TMEM91: variants seen among roughly 807,000 people sequenced by gnomAD.
TMEM91 encodes dispanin subfamily C member 3.
TMEM91 carries 6 observed loss-of-function variants against 13.3 expected under a neutral mutation model. The ratio of observed to expected loss-of-function variants is 0.45; its 90% CI spans 0.25 to 0.89. TMEM91 has a LOEUF of 0.89. TMEM91 is among the 40% of genes least tolerant of loss of function. TMEM91 has a pLI of 0.19. For synonymous variants in TMEM91, 87 were observed against 101.7 expected (o/e 0.86, Z 0.87); for missense variants, 193 against 228.7 (o/e 0.84, Z 1.01).
intron 1 of TMEM91, among the ~76,000 whole-genome samples, chr19:41,369,399 T>C (rs888520743): frequency 1.3e-5 from 2 of 151,516 alleles, no homozygotes; most frequent in Admixed American, 6.6e-5. Flanking sequence ...CCCGGCTACT[T>C]TGGAGGCTGA....
intron 3 of TMEM91, chr19:41,383,211 G>C (rs1361673169): frequency 6.8e-6 from 3 of 441,684 alleles, no homozygotes; most frequent in African/African-American, 4.0e-5. Context: ...GCGCTACCAT[G>C]CCTGGCTAAT....
upstream of TMEM91, among the ~76,000 whole-genome samples, chr19:41,375,273 C>CTTTTTTTTTTT (rs906641411): frequency 1.0e-4 from 6 of 58,656 alleles, 1 homozygote; most frequent in African/African-American, 2.8e-4. Flanking sequence ...ATTTTCTTTT[C>CTTTTTTTTTTT]TTTTTTTTTT....
At chr19:41,374,604 G>A (rs1173206526), upstream of TMEM91, among the ~76,000 whole-genome samples, 3 of 152,108 alleles carry the variant, frequency 2.0e-5, no homozygotes, top group Non-Finnish European at 4.4e-5. Context: ...GAGGCAAGGA[G>A]CATTATCCCC....
rs751689994 is a variant in TMEM91 at position 41,378,290 on chromosome 19, C to T, written c.-20C>T. On this transcript the variant is annotated 5_prime_UTR_variant, in exon 2 of 4. Transcript: ENST00000392002. ...TTCCCCCTACCCCTAGGAAACCCCT[C>T]CTGGAGTTTCCCCAAAGCCATGGAC... 1.9e-6 allele frequency: 3 copies of T among 1,606,996 alleles called. No individual in the cohort carries two copies. Among genetic ancestry groups the T allele is most frequent in the African/African-American group, 2.7e-5 (2 of 74,828 alleles).
rs1318607495 is a variant in TMEM91, at chr19:41,378,403, G to T, written c.94G>T (p.Gly32Trp). 6.2e-7 allele frequency: 1 copy of T among 1,614,094 alleles called. No individual in the cohort carries two copies. Among genetic ancestry groups the T allele is most frequent in the Non-Finnish European group, 8.5e-7 (1 of 1,180,046 alleles). ...CCAGAAGCCTGGCAGGCATGAGCTG[G>T]GGTCCCCCTTAAGAGAGATAGCCTT... ...PAQKPGRHEL[G>W]SPLREIAFAE... is the part of the protein sequence containing the mutation. The change falls in exon 2 of 4, where the codon GGG becomes TGG. Residue 32 changes from glycine to tryptophan, a missense_variant. Gly to Trp is a radical substitution (Grantham distance 184, BLOSUM62 -2). Transcript: ENST00000392002.
intron 1 of TMEM91, among the ~76,000 whole-genome samples, chr19:41,371,384 T>G (rs1238276019): frequency 6.7e-6 from 1 of 148,286 alleles, no homozygotes; most frequent in Non-Finnish European, 1.5e-5. Flanking sequence ...CTTCCTTCCT[T>G]CTTTCCTTCC....
chr19:41,380,073 T>A (rs1024420254), intron 2 of TMEM91, among the ~76,000 whole-genome samples: 5 of 151,916 alleles, frequency 3.3e-5, no homozygotes, highest in Non-Finnish European at 7.4e-5. Context: ...TTTTGTATTT[T>A]TAGTAGAGAC....
chr19:41,366,450 C>T (rs987851698), intron 1 of TMEM91, among the ~76,000 whole-genome samples: 23 of 152,128 alleles, frequency 1.5e-4, no homozygotes, highest in African/African-American at 5.6e-4. Context: ...CTCTGGGGTC[C>T]CCTTTGCCAA....
chr19:41,367,722 C>T (rs560002503), intron 1 of TMEM91, among the ~76,000 whole-genome samples: 73 of 152,308 alleles, frequency 4.8e-4, no homozygotes, highest in African/African-American at 1.6e-3. Context: ...CAGCCTCGAA[C>T]GCCCAGGCTC....
At chr19:41,377,993 G>A (rs1911313001) in intron 1 of TMEM91, among the ~76,000 whole-genome samples, 1 of 147,112 alleles carries the variant, frequency 6.8e-6, no homozygotes, top group Non-Finnish European at 1.5e-5. Flanking sequence ...TAGCGGATCT[G>A]CAGTGGTGGA....
intron 1 of TMEM91, among the ~76,000 whole-genome samples, chr19:41,377,910 G>A (rs1015749780): frequency 4.0e-5 from 6 of 151,680 alleles, no homozygotes; most frequent in Non-Finnish European, 8.8e-5. Context: ...CCAGCTACTC[G>A]GGAGGCTGAG....
Position 41,382,758 on chromosome 19 carries a change from T to G in TMEM91, c.211-14T>G. ...TGGATGGAGATGCCCACCTGGGCAC[T>G]TTCCTGTCCGTAGGACATGTCATCC... On this transcript the variant is annotated splice_polypyrimidine_tract_variant and intron_variant, in intron 2 of 3. Coordinates refer to ENST00000392002, the MANE Select transcript of TMEM91 (RefSeq NM_001098821.2). 2 of 1,611,320 alleles carry G rather than the reference T, an allele frequency of 1.2e-6. No individual in the cohort carries two copies. The highest frequency in any genetic ancestry group is 1.7e-6 in the Non-Finnish European group (2 of 1,178,220).
intron 3 of TMEM91, 98 bp from the exon 4 acceptor site, chr19:41,383,617 A>T (rs752586232): frequency 6.2e-6 from 10 of 1,613,586 alleles, no homozygotes; most frequent in Non-Finnish European, 8.5e-6. Flanking sequence ...GAATACATGC[A>T]TGAATGAATG....
chr19:41,366,668 A>C (rs1409398449), intron 1 of TMEM91, among the ~76,000 whole-genome samples: 1 of 150,866 alleles, frequency 6.6e-6, no homozygotes, highest in Non-Finnish European at 1.5e-5. Context: ...CATGTTGGCC[A>C]GGCAGGTCTC....
chr19:41,382,629 G>A, intron 2 of TMEM91, 143 bp from the exon 3 acceptor site: 1 of 1,173,112 alleles, frequency 8.5e-7, no homozygotes, highest in Non-Finnish European at 1.2e-6. Flanking sequence ...AACACCGAAA[G>A]CCCATCTCTG....
At chr19:41,382,052 G>T (rs150553275) in intron 2 of TMEM91, among the ~76,000 whole-genome samples, 3 of 152,024 alleles carry the variant, frequency 2.0e-5, no homozygotes, top group African/African-American at 7.2e-5. Flanking sequence ...TTTTAGTGGA[G>T]ATGAGGTTTC....
chr19:41,370,393 T>TTTTATTTATTTA (rs60423207), intron 1 of TMEM91, among the ~76,000 whole-genome samples: 63,936 of 142,754 alleles, frequency 0.45, 15,342 homozygotes, highest in Non-Finnish European at 0.52. Context: ...TTTATTTTTA[T>TTTTATTTATTTA]TTTATTTATT....
In TMEM91 at chr19:41,383,893, T is replaced by G; in HGVS notation, c.*20T>G. 6.3e-7 allele frequency: 1 copy of G among 1,592,814 alleles called. No homozygotes were observed. Among genetic ancestry groups the G allele is most frequent in the Non-Finnish European group, 8.5e-7 (1 of 1,171,628 alleles). On this transcript the variant is annotated 3_prime_UTR_variant, in exon 4 of 4. Coordinates refer to ENST00000392002, the MANE Select transcript of TMEM91 (RefSeq NM_001098821.2). ...CCCTAGTTGCCCCTACAGCCCTCAC[T>G]GTGAACCCTGAGGCCGGCAGCCCAG...
At chr19:41,374,925 G>A (rs2038682429), upstream of TMEM91, among the ~76,000 whole-genome samples, 1 of 152,150 alleles carries the variant, frequency 6.6e-6, no homozygotes, top group Non-Finnish European at 1.5e-5. Flanking sequence ...GGAGGTTGCG[G>A]TGAGCCGAGA....
Sources: allele counts gnomAD v4.1 joint callset (sites outside exome capture counted in the v4.1 genomes callset), GRCh38; gene constraint gnomAD v4.1.1; transcripts MANE v1.5; gene names NCBI Gene and HGNC (gene_info 2026-07-23, HGNC 2026-07-21).